RIF1: variants seen among roughly 807,000 people sequenced by gnomAD.
The protein encoded by RIF1 is replication timing regulatory factor 1.
In RIF1, 45 loss-of-function variants were observed where a neutral mutation model predicts 247.1. The observed-to-expected ratio is 0.18, with a 90% CI of 0.14 to 0.23. The LOEUF (loss-of-function observed/expected upper bound fraction) is 0.23, where lower values mean the gene tolerates loss of function less well. Among genes scored for constraint, RIF1 ranks in the 10% least tolerant of loss-of-function variants. RIF1 has a pLI of 1.00. For synonymous variants in RIF1, 1,087 were observed against 978.8 expected (o/e 1.11, Z -2.06); for missense variants, 2,967 against 2,862.5 (o/e 1.04, Z -0.83).
At position 151,464,027 on chromosome 2, in the gene RIF1, A is replaced by T. The variant is rs1355340691; in HGVS notation, c.4507A>T (p.Lys1503Ter). 1.9e-6 allele frequency: 3 copies of T among 1,607,116 alleles called. No individual in the cohort carries two copies. The highest frequency in any genetic ancestry group is 1.3e-5 in the African/African-American group (1 of 74,154). Residue 1503 changes from lysine (K) to a stop codon, truncating the protein, a stop_gained, in exon 30 of 36, where the codon AAA becomes TAA. Transcript: ENST00000444746. LOFTEE classifies it high-confidence loss of function. ...TGCTAATGCAGAAACTGAACAAAAT[A>T]AAAAAAAGGCAGACCCTGAGAACAT... is the stretch of plus-strand genomic sequence containing the variant. ...TSANAETEQNKKKADPENIKS... is the reference protein window; with the variant it reads ...TSANAETEQN
chr2:151,499,208 G>A (rs2062582119), intron 10 of RIF1: 2 of 656,258 alleles, frequency 3.0e-6, no homozygotes, highest in Non-Finnish European at 5.0e-6. Context: ...ATTTTTTATT[G>A]GGATGAGTTG....
chr2:151,421,502 A>AT (rs1688159035), intron 7 of RIF1, among the ~76,000 whole-genome samples: 1 of 152,206 alleles, frequency 6.6e-6, no homozygotes, highest in African/African-American at 2.4e-5. Flanking sequence ...GCCCAATCAC[A>AT]TAGGACTATG....
chr2:151,470,760 G>A (rs1003672877), intron 34 of RIF1, among the ~76,000 whole-genome samples: 1 of 152,088 alleles, frequency 6.6e-6, no homozygotes, highest in African/African-American at 2.4e-5. Context: ...TAACTTATTT[G>A]TGATCTTCTA....
chr2:151,499,673 C>T (rs2062946096), intron 11 of RIF1: 1 of 287,104 alleles, frequency 3.5e-6, no homozygotes, highest in African/African-American at 2.3e-5. Context: ...TTTCCTAAGA[C>T]CACTAAAATA....
At chr2:151,468,172 A>C in intron 31 of RIF1, 26 bp downstream of exon 31, 10 of 1,567,118 alleles carry the variant, frequency 6.4e-6, no homozygotes, top group Non-Finnish European at 8.7e-6. Flanking sequence ...TAAAATATAC[A>C]TATATGTATA....
At chr2:151,533,369 C>A in the RIF1 span, 2 of 969,718 alleles carry the variant, frequency 2.1e-6, no homozygotes, top group Non-Finnish European at 1.6e-6. Flanking sequence ...AAGAGGAAAT[C>A]AATGAAAGCA....
Position 151,466,244 on chromosome 2 carries a change from A to G in RIF1, c.6600+124A>G, listed in dbSNP as rs1696852210. On this transcript the variant is annotated intron_variant, in intron 30 of 35. Transcript: ENST00000444746. ...ATGGCCACTCATTTGATTATTTACC[A>G]TAATGGTTGCTAGGGAAAAGGTAGG... 5 of 632,718 alleles carry G rather than the reference A, an allele frequency of 7.9e-6. No individual in the cohort carries two copies. In the Admixed American group the frequency reaches 8.2e-5, roughly 10 times the overall value. The allele number at this position is 632,718 out of a possible 1,614,324, so 39.2% of individuals were successfully genotyped here.
At chr2:151,516,632 AT>A in the RIF1 span, 1 of 1,010,052 alleles carries the variant, frequency 9.9e-7, no homozygotes. Flanking sequence ...TAAGGATAGT[AT>A]TTTTTAATTG....
At chr2:151,449,846 T>G (rs1027817257) in intron 20 of RIF1, among the ~76,000 whole-genome samples, 4 of 149,400 alleles carry the variant, frequency 2.7e-5, no homozygotes, top group Admixed American at 6.7e-5. Context: ...TTTGATGCCT[T>G]TTTTTTTTTT....
At position 151,435,587 on chromosome 2, in the gene RIF1, G is replaced by T. The variant is rs1281809509; in HGVS notation, c.1195+7G>T. ...ATGACTCCTGTACACAAAGGTAAGA[G>T]GTAGATATTCTTGTTTTTTGCTTTT... On this transcript the variant is annotated splice_region_variant and intron_variant, in intron 11 of 35. Coordinates refer to ENST00000444746, the MANE Select transcript of RIF1 (RefSeq NM_018151.5). 4 of 1,476,382 alleles carry T rather than the reference G, an allele frequency of 2.7e-6. No homozygotes were observed. The highest frequency in any genetic ancestry group is 3.8e-6 in the Non-Finnish European group (4 of 1,056,146). 91.5% of individuals were successfully genotyped at this position (1,476,382 alleles called of 1,614,324 possible). A position where few individuals can be genotyped will look rare whatever the true frequency, so the allele number is the denominator to read the frequency against.
chr2:151,529,239 C>A, the RIF1 span: 1 of 1,613,350 alleles, frequency 6.2e-7, no homozygotes. Context: ...GCGTCCTTGG[C>A]TGCTTTGATA....
chr2:151,512,019 CTTTTTTTTTTTTTTTT>C (rs71403173), downstream of RIF1, among the ~76,000 whole-genome samples: 3 of 93,586 alleles, frequency 3.2e-5, no homozygotes, highest in Non-Finnish European at 6.1e-5. Context: ...CCCTCTCACT[CTTTTTTTTTTTTTTTT>C]TTTTTTTTTT....
rs2048931749 is a variant in RIF1 at position 151,476,422 on chromosome 2, T to A, written c.*1351T>A. Reference sequence around the variant, plus strand: ...TTTTTAACTGACAGTATATCTCACTTCTTCTTTGAATAGAATGAGTGAGTG... The same window carrying A: ...TTTTTAACTGACAGTATATCTCACTACTTCTTTGAATAGAATGAGTGAGTG... On this transcript the variant is annotated 3_prime_UTR_variant, in exon 36 of 36. Coordinates refer to ENST00000444746, the MANE Select transcript of RIF1 (RefSeq NM_018151.5). 1 of 152,172 alleles carries A rather than the reference T, an allele frequency of 6.6e-6. No homozygotes were observed. Among genetic ancestry groups the A allele is most frequent in the South Asian group, 2.1e-4 (1 of 4,836 alleles). The allele number at this position is 152,172 out of a possible 1,614,324, so 9.4% of individuals were successfully genotyped here. A position where few individuals can be genotyped will look rare whatever the true frequency, so the allele number is the denominator to read the frequency against.
intron 20 of RIF1, among the ~76,000 whole-genome samples, chr2:151,449,514 G>C (rs1220192863): frequency 1.3e-5 from 2 of 151,770 alleles, no homozygotes; most frequent in Non-Finnish European, 2.9e-5. Flanking sequence ...GCTATTCACA[G>C]GCACCATGCA....
intron 32 of RIF1, 23 bp downstream of exon 32, chr2:151,468,574 TGTCAC>T: frequency 6.2e-7 from 1 of 1,605,690 alleles, no homozygotes; most frequent in Non-Finnish European, 8.5e-7. Context: ...TTAGTTTTCA[TGTCAC>T]TTTATATTTT....
At chr2:151,512,250 G>A (rs547541336), downstream of RIF1, among the ~76,000 whole-genome samples, 24 of 151,958 alleles carry the variant, frequency 1.6e-4, no homozygotes, top group East Asian at 4.5e-3. Context: ...TAGCCAGGAT[G>A]GTCTGGATCT....
intron 35 of RIF1, among the ~76,000 whole-genome samples, chr2:151,474,413 T>C (rs1389206453): frequency 6.6e-6 from 1 of 152,226 alleles, no homozygotes; most frequent in Non-Finnish European, 1.5e-5. Context: ...GTATGGTGGC[T>C]CACGCCTGTA....
chr2:151,526,373 A>AT, the RIF1 span: 1 of 775,412 alleles, frequency 1.3e-6, no homozygotes, highest in Admixed American at 2.3e-5. Flanking sequence ...AAACTCAATA[A>AT]AAGATGTGAT....
chr2:151,520,651 G>A, the RIF1 span, among the ~76,000 whole-genome samples: 2 of 152,236 alleles, frequency 1.3e-5, no homozygotes, highest in South Asian at 4.1e-4. Flanking sequence ...AATTACTTGA[G>A]CCCAGGAGTT....
Sources: gnomAD v4.1 joint callset for allele counts (sites outside exome capture counted in the v4.1 genomes callset) on GRCh38, gnomAD v4.1.1 for gene constraint, MANE v1.5 for transcripts, NCBI Gene and HGNC (gene_info 2026-07-23, HGNC 2026-07-21) for gene names.